The following FILIP1L variants were observed in gnomAD, a reference collection of about 807,000 sequenced individuals.
The protein encoded by FILIP1L is filamin A interacting protein 1 like.
A neutral mutation model predicts 96.6 loss-of-function variants in FILIP1L; 55 were observed. The ratio of observed to expected loss-of-function variants is 0.57; its 90% confidence interval spans 0.46 to 0.71. FILIP1L has a LOEUF of 0.71. Among genes scored for constraint, FILIP1L ranks in the 30% least tolerant of loss-of-function variants. FILIP1L has a pLI of 0.00. For synonymous variants in FILIP1L, 467 were observed against 473.9 expected (o/e 0.99, Z 0.19); for missense variants, 1,304 against 1,321.2 (o/e 0.99, Z 0.20).
chr3:100,003,005 A>G (rs1709886785), intron 1 of FILIP1L, among the ~76,000 whole-genome samples: 1 of 152,168 alleles, frequency 6.6e-6, no homozygotes, highest in Non-Finnish European at 1.5e-5. Flanking sequence ...AGGAGGGATG[A>G]CGTAATGGAT....
chr3:99,850,335 A>G lies in FILIP1L; in HGVS notation c.1341T>C (p.Asn447=), dbSNP rs1319971437. The change falls in exon 5 of 6, where the codon AAT becomes AAC. Residue 447 remains asparagine (N), a synonymous_variant. Transcript: ENST00000477258. ...SKQECYSLKC[N]LEKERMTTKQ... ...TTGTGGTCATCCTTTCTTTTTCTAA[A>G]TTGCATTTCAGAGAGTAGCATTCTT... 6.2e-7 allele frequency: 1 copy of G among 1,612,628 alleles called. No individual in the cohort carries two copies. The highest frequency in any genetic ancestry group is 8.5e-7 in the Non-Finnish European group (1 of 1,179,782).
At position 99,957,681 on chromosome 3, in the gene FILIP1L, T is replaced by TTTTC. The variant is rs1553700126; in HGVS notation, c.-10-26655_-10-26652dup. 2.8e-4 allele frequency among the ~76,000 whole-genome samples: 40 copies of TTTTC among 143,302 alleles called. 1 individual carries two copies. Among genetic ancestry groups the TTTTC allele is most frequent in the African/African-American group, 8.8e-4 (34 of 38,712 alleles). 94.0% of individuals were successfully genotyped at this position (143,302 alleles called of 152,430 possible). A position where few individuals can be genotyped will look rare whatever the true frequency, so the allele number is the denominator to read the frequency against. On this transcript the variant is annotated intron_variant, in intron 1 of 5. Transcript: ENST00000477258. ...GTTACTTGGCACTTCTCCTTTTCTCTTTTCTTTCTTTCTTTTTTTTTTTTT... is the reference window on the plus strand; with the variant it reads ...GTTACTTGGCACTTCTCCTTTTCTCTTTTCTTTCTTTCTTTCTTTTTTTTTTTTT...
intron 1 of FILIP1L, among the ~76,000 whole-genome samples, chr3:99,944,403 GA>G (rs1707945172): frequency 6.6e-6 from 1 of 152,136 alleles, no homozygotes; most frequent in Admixed American, 6.5e-5. Flanking sequence ...TTCAGAGGGG[GA>G]TACTCACCCA....
intron 1 of FILIP1L, among the ~76,000 whole-genome samples, chr3:99,947,175 A>G (rs1402675334): frequency 6.6e-6 from 1 of 150,828 alleles, no homozygotes; most frequent in Admixed American, 6.6e-5. Context: ...TATATTCAGC[A>G]CTGAAAAATG....
At chr3:100,004,333 C>T (rs1181855547) in intron 1 of FILIP1L, among the ~76,000 whole-genome samples, 2 of 152,050 alleles carry the variant, frequency 1.3e-5, no homozygotes, top group Non-Finnish European at 2.9e-5. Context: ...GGTAGCTGAA[C>T]ATATCTTCTA....
intron 4 of FILIP1L, among the ~76,000 whole-genome samples, chr3:99,872,009 A>G (rs888526399): frequency 6.6e-6 from 1 of 151,740 alleles, no homozygotes; most frequent in Admixed American, 6.6e-5. Context: ...AATGGATTTT[A>G]TATCTAAATT....
chr3:99,921,915 C>G (rs541731582), intron 4 of FILIP1L, among the ~76,000 whole-genome samples: 1 of 152,286 alleles, frequency 6.6e-6, no homozygotes, highest in South Asian at 2.1e-4. Flanking sequence ...CCTTCTTGCT[C>G]TCTTGGTTTA....
chr3:99,858,891 C>G (rs942225199), intron 4 of FILIP1L, among the ~76,000 whole-genome samples: 2 of 152,210 alleles, frequency 1.3e-5, no homozygotes, highest in Non-Finnish European at 2.9e-5. Flanking sequence ...TCACCTTGTG[C>G]TTCTTCTGTC....
At chr3:100,024,957 T>TA (rs2064891560) in intron 1 of FILIP1L, among the ~76,000 whole-genome samples, 2 of 152,156 alleles carry the variant, frequency 1.3e-5, no homozygotes, top group Admixed American at 6.5e-5. Context: ...CTGCCAAAGG[T>TA]AAAAAATGCA....
chr3:99,861,164 T>C (rs1244052779), intron 4 of FILIP1L, among the ~76,000 whole-genome samples: 4 of 152,090 alleles, frequency 2.6e-5, no homozygotes, highest in Non-Finnish European at 5.9e-5. Context: ...TTCCATACTT[T>C]CCATTTTGAT....
Position 99,850,822 on chromosome 3 carries a change from T to C in FILIP1L, c.854A>G (p.Glu285Gly), listed in dbSNP as rs1332461782. The C allele has an allele frequency of 2.5e-6, 4 of 1,614,206 alleles. No homozygotes were observed. Among genetic ancestry groups the C allele is most frequent in the Non-Finnish European group, 3.4e-6 (4 of 1,180,042 alleles). The change falls in exon 5 of 6, where the codon GAG becomes GGG. Residue 285 changes from glutamate (E) to glycine (G), a missense_variant. Coordinates refer to ENST00000477258, the MANE Select transcript of FILIP1L (RefSeq NM_001387850.1). Reference protein sequence around the residue: ...ALAEARVQEEEQKATRLEKEL... With the variant: ...ALAEARVQEEGQKATRLEKEL... ...CTTCTCTAGTCTGGTTGCCTTCTGC[T>C]CTTCCTCCTGAACTCTGGCTTCAGC...
intron 4 of FILIP1L, among the ~76,000 whole-genome samples, chr3:99,870,852 A>G (rs1944753856): frequency 2.0e-5 from 3 of 152,334 alleles, no homozygotes; most frequent in East Asian, 3.9e-4. Context: ...TGTGCCCCGT[A>G]AGTGCATCTT....
intron 4 of FILIP1L, among the ~76,000 whole-genome samples, chr3:99,915,827 A>T (rs1365814236): frequency 6.6e-6 from 1 of 152,148 alleles, no homozygotes; most frequent in East Asian, 1.9e-4. Context: ...TATTGATGTT[A>T]TGTCTGTCTC....
chr3:100,104,421 T>A (rs2066360238), intron 1 of FILIP1L, among the ~76,000 whole-genome samples: 1 of 152,216 alleles, frequency 6.6e-6, no homozygotes, highest in Non-Finnish European at 1.5e-5. Context: ...TGACCCACAC[T>A]TTGTTTGAGA....
Position 99,850,864 on chromosome 3 carries a change from T to C in FILIP1L, c.812A>G (p.His271Arg), listed in dbSNP as rs752826735. 4 of 1,614,216 alleles carry C rather than the reference T, an allele frequency of 2.5e-6. No individual in the cohort carries two copies. The highest frequency in any genetic ancestry group is 3.4e-6 in the Non-Finnish European group (4 of 1,180,026). Residue 271 changes from histidine (H) to arginine (R), a missense_variant, in exon 5 of 6, where the codon CAT (histidine) becomes CGT (arginine). Physicochemically the swap from His to Arg is conservative, Grantham distance 29. Transcript: ENST00000477258. ...GGCTTCAGCAAGGGCTAGTTTGGTA[T>C]GTGTTTCCTTTGCATTTGTGGTCAG... ...QELTTNAKET[H>R]TKLALAEARV...
intron 1 of FILIP1L, among the ~76,000 whole-genome samples, chr3:99,976,339 G>C (rs1256375408): frequency 6.6e-6 from 1 of 152,122 alleles, no homozygotes; most frequent in African/African-American, 2.4e-5. Flanking sequence ...CATACATAAA[G>C]AATAAAATTG....
intron 1 of FILIP1L, among the ~76,000 whole-genome samples, chr3:100,004,994 A>T (rs988484481): frequency 6.6e-6 from 1 of 152,200 alleles, no homozygotes; most frequent in Non-Finnish European, 1.5e-5. Flanking sequence ...CAATTTGAGA[A>T]ATCAAGGCTG....
intron 1 of FILIP1L, among the ~76,000 whole-genome samples, chr3:100,101,979 C>G (rs1174203509): frequency 6.6e-6 from 1 of 152,176 alleles, no homozygotes; most frequent in East Asian, 1.9e-4. Flanking sequence ...CATAGTATTC[C>G]ATGGTGTATA....
At chr3:100,018,017 G>A (rs1007848901) in intron 1 of FILIP1L, among the ~76,000 whole-genome samples, 8 of 152,038 alleles carry the variant, frequency 5.3e-5, no homozygotes, top group African/African-American at 1.7e-4. Flanking sequence ...TTTAAGTTGT[G>A]CACAGTGACC....
Sources: allele counts gnomAD v4.1 joint callset (sites outside exome capture counted in the v4.1 genomes callset), GRCh38; gene constraint gnomAD v4.1.1; transcripts MANE v1.5; gene names NCBI Gene and HGNC (gene_info 2026-07-23, HGNC 2026-07-21).